NPFFR2: variants seen among roughly 807,000 people sequenced by gnomAD.
NPFFR2 encodes the protein G-protein coupled receptor 74.
In NPFFR2, 15 loss-of-function variants were observed where a neutral mutation model predicts 13.1. The ratio of observed to expected loss-of-function variants is 1.15; its 90% confidence interval spans 0.77 to 1.76. The LOEUF (loss-of-function observed/expected upper bound fraction) is 1.76, where lower values mean the gene tolerates loss of function less well. NPFFR2 is among the 40% of genes most tolerant of loss of function. The pLI is 0.00. For synonymous variants in NPFFR2, 190 were observed against 175.7 expected (o/e 1.08, Z -0.65); for missense variants, 572 against 503.5 (o/e 1.14, Z -1.30).
intron 1 of NPFFR2, among the ~76,000 whole-genome samples, chr4:72,104,496 C>G (rs1721357503): frequency 1.3e-5 from 2 of 151,990 alleles, no homozygotes; most frequent in Admixed American, 6.6e-5. Context: ...GGCAAACTAC[C>G]TAGCTTAAAT....
intron 1 of NPFFR2, among the ~76,000 whole-genome samples, chr4:72,068,248 G>A (rs1273205209): frequency 6.6e-6 from 1 of 152,190 alleles, no homozygotes; most frequent in Admixed American, 6.5e-5. Flanking sequence ...AGATCAAGAT[G>A]TGGGCAGGTT....
At chr4:72,032,948 T>G (rs987217807) in intron 1 of NPFFR2, among the ~76,000 whole-genome samples, 5 of 152,066 alleles carry the variant, frequency 3.3e-5, no homozygotes. Context: ...TTGAAATATT[T>G]ATTTCTTTTT....
chr4:72,146,416 T>G (rs918362623), intron 3 of NPFFR2: 1 of 152,170 alleles, frequency 6.6e-6, no homozygotes, highest in Admixed American at 6.6e-5. Context: ...GCATCATGTT[T>G]GCTAATATCC....
intron 1 of NPFFR2, among the ~76,000 whole-genome samples, chr4:72,054,448 C>T (rs1295633596): frequency 6.6e-6 from 1 of 151,878 alleles, no homozygotes; most frequent in Admixed American, 6.6e-5. Flanking sequence ...TTAACCTTAA[C>T]TCTTACATTA....
At chr4:72,126,281 G>A (rs947608892) in intron 1 of NPFFR2, among the ~76,000 whole-genome samples, 4 of 152,182 alleles carry the variant, frequency 2.6e-5, no homozygotes, top group African/African-American at 9.7e-5. Flanking sequence ...TTCAGACTAT[G>A]TAACTATCCT....
intron 2 of NPFFR2, among the ~76,000 whole-genome samples, chr4:72,130,211 C>G (rs951516556): frequency 5.9e-5 from 9 of 152,076 alleles, no homozygotes; most frequent in Non-Finnish European, 1.0e-4. Context: ...TACCTGAAAC[C>G]TTTGTATTTT....
chr4:72,074,861 G>C (rs1720378874), intron 1 of NPFFR2, among the ~76,000 whole-genome samples: 1 of 151,196 alleles, frequency 6.6e-6, no homozygotes, highest in Non-Finnish European at 1.5e-5. Flanking sequence ...TAAAAATTCA[G>C]AAGAATGGCT....
chr4:72,057,457 T>G (rs1719787488), intron 1 of NPFFR2, among the ~76,000 whole-genome samples: 1 of 152,026 alleles, frequency 6.6e-6, no homozygotes, highest in African/African-American at 2.4e-5. Flanking sequence ...CAGGAACACC[T>G]TCGCTTAAGG....
At chr4:72,146,893 C>A in intron 3 of NPFFR2, 85 bp from the exon 4 acceptor site, 2 of 866,248 alleles carry the variant, frequency 2.3e-6, no homozygotes, top group Non-Finnish European at 3.7e-6. Flanking sequence ...GGGTGAGAGG[C>A]CTGTAACTAC....
chr4:72,079,809 T>C (rs1720552926), intron 1 of NPFFR2, among the ~76,000 whole-genome samples: 1 of 152,200 alleles, frequency 6.6e-6, no homozygotes, highest in Non-Finnish European at 1.5e-5. Flanking sequence ...TTGCAGCATA[T>C]GTCCCCTGGG....
rs115608009 is a variant in NPFFR2, at chr4:72,042,584, C to T, written c.-8+10384C>T. 5.9e-3 allele frequency among the ~76,000 whole-genome samples: 899 copies of T among 152,224 alleles called. 9 individuals are homozygous for T. Among genetic ancestry groups the T allele is most frequent in the Middle Eastern group, 0.02 (6 of 294 alleles). ...CTGATAGTGATATGGACAATAATGT[C>T]CAGGCTGAGGTAATCTGAGATTGAG... On this transcript the variant is annotated intron_variant, in intron 1 of 3. Transcript: ENST00000308744.
intron 1 of NPFFR2, among the ~76,000 whole-genome samples, chr4:72,107,799 C>T (rs1220652097): frequency 1.3e-5 from 2 of 151,906 alleles, no homozygotes; most frequent in East Asian, 3.9e-4. Flanking sequence ...ATATTATTTT[C>T]CTCTCCTGGA....
At chr4:72,084,098 C>T (rs1335702327) in intron 1 of NPFFR2, among the ~76,000 whole-genome samples, 3 of 152,136 alleles carry the variant, frequency 2.0e-5, no homozygotes, top group Non-Finnish European at 4.4e-5. Context: ...AACGACTTTC[C>T]TGCTTCTATT....
At chr4:72,134,938 C>A (rs1012586290) in intron 2 of NPFFR2, among the ~76,000 whole-genome samples, 1 of 151,938 alleles carries the variant, frequency 6.6e-6, no homozygotes, top group Non-Finnish European at 1.5e-5. Flanking sequence ...TGGTTTATTC[C>A]TTTCTGAGAA....
chr4:72,050,195 T>G (rs1171682035), intron 1 of NPFFR2, among the ~76,000 whole-genome samples: 3 of 152,022 alleles, frequency 2.0e-5, no homozygotes, highest in Admixed American at 1.3e-4. Flanking sequence ...TGGAGGGCTG[T>G]AAGTCTCAAT....
At chr4:72,101,829 C>T (rs555395938) in intron 1 of NPFFR2, among the ~76,000 whole-genome samples, 224 of 152,010 alleles carry the variant, frequency 1.5e-3, no homozygotes, top group Non-Finnish European at 2.9e-3. Context: ...CCAGCTGGGA[C>T]TCATGGGCAA....
chr4:72,069,890 AACTGTTAATAATAGCCG>A (rs1222767104), intron 1 of NPFFR2, among the ~76,000 whole-genome samples: 2 of 152,262 alleles, frequency 1.3e-5, no homozygotes, highest in East Asian at 3.9e-4. Context: ...TGATCATACA[AACTGTTAATAATAGCCG>A]ACATTTATAA....
intron 1 of NPFFR2, chr4:72,039,186 G>C (rs1428029057): frequency 1.3e-5 from 2 of 152,656 alleles, no homozygotes; most frequent in African/African-American, 4.8e-5. Context: ...AGCCTCCTGA[G>C]TAGCTGGGAC....
In NPFFR2 at chr4:72,063,589, CA is replaced by C. The variant is rs142951769; in HGVS notation, c.-8+31393del. 7.0e-3 allele frequency among the ~76,000 whole-genome samples: 1,070 copies of C among 152,214 alleles called. 14 individuals are homozygous for C. The highest frequency in any genetic ancestry group is 0.023 in the African/African-American group (966 of 41,520). On this transcript the variant is annotated intron_variant, in intron 1 of 3. Transcript: ENST00000308744. ...TTCAAGCATTCAGCAGGCAAGGTTT[CA>C]AAACATAATATTAGTTGGCATAAAT...
Sources: allele counts gnomAD v4.1 joint callset (sites outside exome capture counted in the v4.1 genomes callset), GRCh38; gene constraint gnomAD v4.1.1; transcripts MANE v1.5; gene names NCBI Gene and HGNC (gene_info 2026-07-23, HGNC 2026-07-21).